Variants in SNX29 observed in about 807,000 individuals in gnomAD.
SNX29 encodes the protein sorting nexin-29.
SNX29 carries 78 observed loss-of-function variants against 102.1 expected under a neutral mutation model. The ratio of observed to expected loss-of-function variants is 0.76; its 90% CI spans 0.64 to 0.92. The LOEUF (loss-of-function observed/expected upper bound fraction) is 0.92. SNX29 is among the 40% of genes least tolerant of loss of function. SNX29 has a pLI of 0.00. For missense variants in SNX29, 1,280 were observed against 1,061.7 expected (o/e 1.21, Z -2.86); for synonymous variants, 580 against 414.5 (o/e 1.40, Z -4.85).
intron 8 of SNX29, among the ~76,000 whole-genome samples, chr16:12,059,453 C>A (rs2050677709): frequency 6.6e-6 from 1 of 152,198 alleles, no homozygotes; most frequent in Non-Finnish European, 1.5e-5. Context: ...CTTCTTTTGC[C>A]CCCACCCTGC....
intron 19 of SNX29, among the ~76,000 whole-genome samples, chr16:12,510,821 C>G (rs1223867820): frequency 6.6e-6 from 1 of 152,146 alleles, no homozygotes; most frequent in Non-Finnish European, 1.5e-5. Context: ...GAGCCCACAG[C>G]TTTCCTGCCA....
chr16:12,303,016 G>GT (rs2080227640), intron 15 of SNX29, among the ~76,000 whole-genome samples: 1 of 152,206 alleles, frequency 6.6e-6, no homozygotes, highest in Non-Finnish European at 1.5e-5. Context: ...ATCTGGCTAT[G>GT]TGAGACCCTT....
chr16:12,542,797 C>T (rs1028426246), intron 20 of SNX29, among the ~76,000 whole-genome samples: 1 of 151,010 alleles, frequency 6.6e-6, no homozygotes, highest in Non-Finnish European at 1.5e-5. Context: ...GTTAAATCAG[C>T]AAGTAAGTGA....
intron 13 of SNX29, among the ~76,000 whole-genome samples, chr16:12,133,954 A>G (rs949142539): frequency 6.6e-6 from 1 of 152,240 alleles, no homozygotes; most frequent in Non-Finnish European, 1.5e-5. Context: ...TCCTTTTGCT[A>G]AGAATTACTG....
intron 20 of SNX29, among the ~76,000 whole-genome samples, chr16:12,567,907 G>T (rs1320098090): frequency 6.6e-6 from 1 of 152,110 alleles, no homozygotes; most frequent in African/African-American, 2.4e-5. Flanking sequence ...CCCATGCCCT[G>T]GGACCCACAC....
At chr16:12,249,428 G>C (rs141935696) in intron 14 of SNX29, among the ~76,000 whole-genome samples, 11 of 152,308 alleles carry the variant, frequency 7.2e-5, no homozygotes, top group African/African-American at 2.4e-4. Flanking sequence ...TCACATTTGC[G>C]AATACTCCAC....
At chr16:12,438,152 G>T (rs2085622705) in intron 18 of SNX29, among the ~76,000 whole-genome samples, 1 of 152,056 alleles carries the variant, frequency 6.6e-6, no homozygotes, top group Non-Finnish European at 1.5e-5. Context: ...GGCAGGAGTA[G>T]GGGGGCATCT....
chr16:12,457,906 G>T (rs901552728), intron 18 of SNX29, among the ~76,000 whole-genome samples: 1 of 152,202 alleles, frequency 6.6e-6, no homozygotes, highest in Non-Finnish European at 1.5e-5. Flanking sequence ...AGGGTTCCTC[G>T]TGATGACTAA....
chr16:12,572,465 A>AC lies in SNX29; in HGVS notation c.*3839dup. 1 of 1,063,464 alleles carries AC rather than the reference A, an allele frequency of 9.4e-7. No homozygotes were observed. The allele number at this position is 1,063,464 out of a possible 1,614,324, so 65.9% of individuals were successfully genotyped here. The stretch of plus-strand genomic sequence containing the variant: ...TGGTTCTGCATGGTACATTTTGCCA[A>AC]CCCTGAGGACCAGTTCTTGGGGTTC... On this transcript the variant is annotated 3_prime_UTR_variant, in exon 21 of 21. Coordinates refer to ENST00000566228, the MANE Select transcript of SNX29 (RefSeq NM_032167.5).
At chr16:12,341,261 T>C (rs2081603104) in intron 15 of SNX29, among the ~76,000 whole-genome samples, 1 of 152,218 alleles carries the variant, frequency 6.6e-6, no homozygotes, top group African/African-American at 2.4e-5. Context: ...ACTTCACCAC[T>C]TGTGATTTGT....
At chr16:12,110,937 G>C (rs1208395237) in intron 11 of SNX29, among the ~76,000 whole-genome samples, 1 of 151,938 alleles carries the variant, frequency 6.6e-6, no homozygotes, top group Non-Finnish European at 1.5e-5. Flanking sequence ...GACCCTCCTG[G>C]CTCAGAGTAG....
At position 12,571,229 on chromosome 16, in the gene SNX29, G is replaced by C. The variant is rs149667603; in HGVS notation, c.*2600G>C. 4.3e-6 allele frequency: 1 copy of C among 232,208 alleles called. No homozygotes were observed. The highest frequency in any genetic ancestry group is 2.2e-5 in the African/African-American group (1 of 45,276). The allele number at this position is 232,208 out of a possible 1,614,324, so 14.4% of individuals were successfully genotyped here. A position where few individuals can be genotyped will look rare whatever the true frequency, so the allele number is the denominator to read the frequency against. ...CAACTGGCAGGGTTCCCAGTTCCTG[G>C]AGTTATGGAGCAGAAACACCCAGGC... On this transcript the variant is annotated 3_prime_UTR_variant, in exon 21 of 21. Coordinates refer to ENST00000566228, the MANE Select transcript of SNX29 (RefSeq NM_032167.5).
In SNX29 at chr16:12,570,378, C is replaced by G; in HGVS notation, c.*1749C>G. The G allele has an allele frequency of 1.9e-5, 8 of 431,246 alleles. No homozygotes were observed. The highest frequency in any genetic ancestry group is 2.7e-5 in the Non-Finnish European group (8 of 298,916). 26.7% of individuals were successfully genotyped at this position (431,246 alleles called of 1,614,324 possible). On this transcript the variant is annotated 3_prime_UTR_variant, in exon 21 of 21. Coordinates refer to ENST00000566228, the MANE Select transcript of SNX29 (RefSeq NM_032167.5). ...CATTGCTGCAATACACATGGTTTAT[C>G]TGAAATTCCAAGGCCAGAGTGCACA... is the stretch of plus-strand genomic sequence containing the variant.
intron 17 of SNX29, 58 bp from the exon 18 acceptor site, chr16:12,403,390 T>G: frequency 6.6e-7 from 1 of 1,504,830 alleles, no homozygotes; most frequent in Non-Finnish European, 9.0e-7. Flanking sequence ...TTTTTATTTT[T>G]TATTTTTTTG....
At chr16:12,521,650 C>T (rs138351155) in intron 19 of SNX29, among the ~76,000 whole-genome samples, 262 of 152,286 alleles carry the variant, frequency 1.7e-3, no homozygotes, top group African/African-American at 5.8e-3. Context: ...TATCAAGCTG[C>T]CTTGAGGGTT....
chr16:12,359,219 A>G (rs1489667271), intron 16 of SNX29, among the ~76,000 whole-genome samples: 1 of 152,188 alleles, frequency 6.6e-6, no homozygotes, highest in African/African-American at 2.4e-5. Context: ...CCGCTGCAGA[A>G]CTGATTGTTT....
intron 14 of SNX29, among the ~76,000 whole-genome samples, chr16:12,234,364 A>G (rs1269403035): frequency 5.9e-4 from 90 of 152,114 alleles, no homozygotes; most frequent in Non-Finnish European, 1.6e-4. Flanking sequence ...GTAGATCTTC[A>G]AAGGGTGTCT....
At chr16:12,178,830 C>G (rs930441229) in intron 13 of SNX29, among the ~76,000 whole-genome samples, 3 of 152,216 alleles carry the variant, frequency 2.0e-5, no homozygotes, top group African/African-American at 7.2e-5. Context: ...CTAGATGACA[C>G]ATGGGCTTCT....
chr16:12,558,574 G>T (rs988308080), intron 20 of SNX29, among the ~76,000 whole-genome samples: 12 of 152,194 alleles, frequency 7.9e-5, no homozygotes, highest in African/African-American at 2.9e-4. Context: ...GTCCATGGTG[G>T]ATCCATACAC....
Sources: allele counts gnomAD v4.1 joint callset (sites outside exome capture counted in the v4.1 genomes callset), GRCh38; gene constraint gnomAD v4.1.1; transcripts MANE v1.5; gene names NCBI Gene and HGNC (gene_info 2026-07-23, HGNC 2026-07-21).